Variants in ADRA1B observed in about 807,000 individuals in gnomAD.
The protein encoded by ADRA1B is alpha-1B adrenergic receptor.
ADRA1B carries 17 observed loss-of-function variants against 17.9 expected under a neutral mutation model. The observed-to-expected ratio is 0.95, with a 90% confidence interval of 0.65 to 1.42. The LOEUF is 1.42. Ranked by LOEUF, ADRA1B falls within the 40% of genes most tolerant of loss-of-function variation. ADRA1B has a pLI of 0.00. For missense variants in ADRA1B, 681 were observed against 722.1 expected (o/e 0.94, Z 0.65); for synonymous variants, 366 against 327.6 (o/e 1.12, Z -1.27).
intron 1 of ADRA1B, among the ~76,000 whole-genome samples, chr5:159,945,462 G>A (rs1465152067): frequency 6.6e-6 from 1 of 152,202 alleles, no homozygotes; most frequent in Admixed American, 6.5e-5. Flanking sequence ...GCAGGAATCT[G>A]GGGGAAAGCA....
intron 1 of ADRA1B, among the ~76,000 whole-genome samples, chr5:159,954,900 A>G (rs1366368506): frequency 2.0e-5 from 3 of 152,148 alleles, no homozygotes; most frequent in Non-Finnish European, 4.4e-5. Flanking sequence ...CCTACAGGAC[A>G]TCTTCAAGTT....
rs1010874971 is a variant in ADRA1B at position 159,916,543 on chromosome 5, G to C, written c.-363G>C. 5.7e-6 allele frequency: 1 copy of C among 175,974 alleles called. No individual in the cohort carries two copies. Among genetic ancestry groups the C allele is most frequent in the Admixed American group, 6.3e-5 (1 of 15,802 alleles). 10.9% of individuals were successfully genotyped at this position (175,974 alleles called of 1,614,324 possible). A position where few individuals can be genotyped will look rare whatever the true frequency, so the allele number is the denominator to read the frequency against. On this transcript the variant is annotated 5_prime_UTR_variant, in exon 1 of 2. Coordinates refer to ENST00000306675, the MANE Select transcript of ADRA1B (RefSeq NM_000679.4). ...CTTCGGCGCTCGCTGGGCGGAGGACGCGCCGCGGTCCGCAGACCCGAGCGA... is the reference window on the plus strand; with the variant it reads ...CTTCGGCGCTCGCTGGGCGGAGGACCCGCCGCGGTCCGCAGACCCGAGCGA...
intron 1 of ADRA1B, among the ~76,000 whole-genome samples, chr5:159,922,812 A>G (rs1754525658): frequency 6.6e-6 from 1 of 152,256 alleles, no homozygotes. Context: ...TGACGATATA[A>G]TGGTGAGCGA....
chr5:159,962,060 G>A (rs1317018084), intron 1 of ADRA1B, among the ~76,000 whole-genome samples: 2 of 152,114 alleles, frequency 1.3e-5, no homozygotes, highest in African/African-American at 2.4e-5. Flanking sequence ...TTAGCCATGC[G>A]TGATGACATG....
chr5:159,953,294 A>C (rs557563305), intron 1 of ADRA1B, among the ~76,000 whole-genome samples: 1 of 152,328 alleles, frequency 6.6e-6, no homozygotes, highest in South Asian at 2.1e-4. Context: ...TGGGAGGCAG[A>C]GTTTGCAGTG....
At chr5:159,899,051 G>A (rs1476391281) in intron 1 of ADRA1B, among the ~76,000 whole-genome samples, 2 of 152,052 alleles carry the variant, frequency 1.3e-5, no homozygotes, top group African/African-American at 4.8e-5. Flanking sequence ...GGAGGCTGAA[G>A]CAGTAAGATT....
rs377164504 is a variant in ADRA1B at position 159,910,257 on chromosome 5, G to C, written c.-255-5862G>C. Among the ~76,000 whole-genome samples the C allele has an allele frequency of 1.6e-4, 25 of 152,178 alleles. 1 individual carries two copies. The East Asian group carries it at 3.5e-3, about 21-fold the overall frequency. ...TGTGCATTATCTCAAGAAATAGAAA[G>C]CATTATCCTCTGGGCACAGATGAAA... On this transcript the variant is annotated intron_variant, in intron 1 of 2. Transcript: ENST00000641205.
chr5:159,971,444 T>C (rs1219252325), intron 1 of ADRA1B, among the ~76,000 whole-genome samples: 2 of 152,244 alleles, frequency 1.3e-5, no homozygotes, highest in East Asian at 3.8e-4. Context: ...ATACACCTTC[T>C]GTTTTCCACG....
At chr5:159,911,604 G>A (rs1318108339), upstream of ADRA1B, among the ~76,000 whole-genome samples, 1 of 152,184 alleles carries the variant, frequency 6.6e-6, no homozygotes, top group Non-Finnish European at 1.5e-5. Flanking sequence ...GTTCTGGGTT[G>A]GGGGAATGCA....
chr5:159,869,809 T>C (rs934160020), intron 1 of ADRA1B: 1 of 152,036 alleles, frequency 6.6e-6, no homozygotes, highest in Admixed American at 6.6e-5. Context: ...CTTCAGAGAG[T>C]TATTGTGAAG....
Position 159,917,802 on chromosome 5 carries a change from G to A in ADRA1B, c.897G>A (p.Val299=), listed in dbSNP as rs1281068516. 3 of 1,613,232 alleles carry A rather than the reference G, an allele frequency of 1.9e-6. No homozygotes were observed. Among genetic ancestry groups the A allele is most frequent in the African/African-American group, 1.3e-5 (1 of 74,890 alleles). The change falls in exon 1 of 2, where the codon GTG becomes GTA. Residue 299 remains valine, a synonymous_variant. Transcript: ENST00000306675. ...AAGCAGCTAAGACGTTGGGCATTGT[G>A]GTCGGTATGTTCATCTTGTGCTGGC... The part of the protein sequence containing the change: ...EKKAAKTLGI[V]VGMFILCWLP...
At chr5:159,958,333 T>C (rs1755603842) in intron 1 of ADRA1B, among the ~76,000 whole-genome samples, 1 of 152,330 alleles carries the variant, frequency 6.6e-6, no homozygotes, top group African/African-American at 2.4e-5. Context: ...GTCTGTTTTT[T>C]CCCACAAGCA....
intron 1 of ADRA1B, among the ~76,000 whole-genome samples, chr5:159,962,627 C>A: frequency 6.6e-6 from 1 of 150,422 alleles, no homozygotes; most frequent in Middle Eastern, 3.3e-3. Context: ...CGGCACATAA[C>A]AAGGACCCAA....
chr5:159,920,965 A>AATT (rs1754463069), intron 1 of ADRA1B, among the ~76,000 whole-genome samples: 1 of 152,222 alleles, frequency 6.6e-6, no homozygotes, highest in Non-Finnish European at 1.5e-5. Context: ...ATAGACTTTC[A>AATT]GGTGCCAGGA....
chr5:159,877,060 G>A (rs1321601626), intron 1 of ADRA1B, among the ~76,000 whole-genome samples: 1 of 152,172 alleles, frequency 6.6e-6, no homozygotes, highest in Non-Finnish European at 1.5e-5. Context: ...AGTCAGAAGG[G>A]CAGCCCCTCT....
chr5:159,951,024 G>T, intron 1 of ADRA1B: 1 of 685,434 alleles, frequency 1.5e-6, no homozygotes, highest in Non-Finnish European at 2.7e-6. Context: ...ACCTCGCCCA[G>T]GGGCACTAAG....
At chr5:159,938,546 C>A (rs1205728707) in intron 1 of ADRA1B, among the ~76,000 whole-genome samples, 2 of 152,172 alleles carry the variant, frequency 1.3e-5, no homozygotes, top group Admixed American at 6.5e-5. Context: ...TTCAAGGCTG[C>A]ACCTGGCTTC....
chr5:159,927,426 A>G (rs76889583), intron 1 of ADRA1B, among the ~76,000 whole-genome samples: 4,829 of 114,524 alleles, frequency 0.042, 97 homozygotes, highest in Middle Eastern at 0.059. Context: ...TATGCATAGA[A>G]CCCTAAAAAA....
Position 159,947,717 on chromosome 5 carries a change from C to T in ADRA1B, c.950-24162C>T, listed in dbSNP as rs138656781. ...AGCAAAGGCTCTTTAAGCTTGAAGA[C>T]GTTGAATGCTTGCTGTAAATCCAGG... is the stretch of plus-strand genomic sequence containing the variant. On this transcript the variant is annotated intron_variant, in intron 1 of 1. Transcript: ENST00000306675. The T allele has an allele frequency of 3.6e-3, 3,568 of 985,358 alleles. 8 individuals are homozygous for T. Among genetic ancestry groups the T allele is most frequent in the Middle Eastern group, 4.2e-3 (8 of 1,914 alleles). The allele number at this position is 985,358 out of a possible 1,614,324, so 61.0% of individuals were successfully genotyped here.
Sources: allele counts gnomAD v4.1 joint callset (sites outside exome capture counted in the v4.1 genomes callset), GRCh38; gene constraint gnomAD v4.1.1; transcripts MANE v1.5; gene names NCBI Gene and HGNC (gene_info 2026-07-23, HGNC 2026-07-21).